The following PIBF1 variants were observed in gnomAD, a reference collection of about 807,000 sequenced individuals.
PIBF1 encodes progesterone-induced-blocking factor 1.
PIBF1 carries 90 observed loss-of-function variants against 112.5 expected under a neutral mutation model. That is an observed-to-expected ratio of 0.80 (90% CI 0.67 to 0.95). The LOEUF is 0.95. Among genes scored for constraint, PIBF1 ranks in the 40% least tolerant of loss-of-function variants. The pLI, the probability that PIBF1 is intolerant of heterozygous loss-of-function variation, is 0.00. For missense variants in PIBF1, 915 were observed against 852.3 expected (o/e 1.07, Z -0.92); for synonymous variants, 301 against 288.6 (o/e 1.04, Z -0.44).
chr13:72,991,256 T>C (rs950032276), intron 16 of PIBF1, among the ~76,000 whole-genome samples: 42 of 151,096 alleles, frequency 2.8e-4, no homozygotes, highest in African/African-American at 1.0e-3. Flanking sequence ...AGTTTATCTC[T>C]CTCATAGAGA....
Position 72,893,934 on chromosome 13 carries a change from T to C in PIBF1, c.1473T>C (p.Tyr491=), listed in dbSNP as rs1258523769. 10 of 1,594,542 alleles carry C rather than the reference T, an allele frequency of 6.3e-6. No individual in the cohort carries two copies. Among genetic ancestry groups the C allele is most frequent in the Non-Finnish European group, 8.5e-6 (10 of 1,171,608 alleles). ...AGTGTCAATTGGAATGTGAAAAATA[T>C]CAGAAAAAATTGGAGGTACATGTAC... ...LTQCQLECEK[Y]QKKLEVLTKE... Residue 491 remains tyrosine (Y), a synonymous_variant, in exon 11 of 18, where the codon TAT becomes TAC. Transcript: ENST00000326291.
intron 13 of PIBF1, among the ~76,000 whole-genome samples, chr13:72,924,307 TTTTC>T (rs1186350142): frequency 6.6e-6 from 1 of 152,202 alleles, no homozygotes; most frequent in Non-Finnish European, 1.5e-5. Flanking sequence ...ACTTTATTTT[TTTTC>T]TTTAATTGCC....
intron 15 of PIBF1, among the ~76,000 whole-genome samples, chr13:72,968,299 TTTTTC>T (rs796391802): frequency 1.3e-5 from 2 of 152,004 alleles, no homozygotes; most frequent in Non-Finnish European, 2.9e-5. Context: ...GTTGTTCTTT[TTTTTC>T]TTTTCTTTTC....
intron 10 of PIBF1, among the ~76,000 whole-genome samples, chr13:72,883,212 A>C (rs1389210078): frequency 6.6e-6 from 1 of 152,182 alleles, no homozygotes; most frequent in Non-Finnish European, 1.5e-5. Flanking sequence ...AGGTCATTAT[A>C]TTAAGTAAAA....
At chr13:72,915,463 A>G (rs958339762) in intron 12 of PIBF1, among the ~76,000 whole-genome samples, 1 of 152,164 alleles carries the variant, frequency 6.6e-6, no homozygotes, top group South Asian at 2.1e-4. Context: ...TTATCCCATG[A>G]TTTATTAATC....
intron 15 of PIBF1, among the ~76,000 whole-genome samples, chr13:72,968,163 G>T (rs1472152566): frequency 2.6e-5 from 4 of 151,804 alleles, no homozygotes; most frequent in Non-Finnish European, 4.4e-5. Flanking sequence ...CAACCTGGGC[G>T]ACAGAGCCAG....
chr13:72,920,991 G>T (rs900882442), intron 13 of PIBF1, among the ~76,000 whole-genome samples: 7 of 152,064 alleles, frequency 4.6e-5, no homozygotes, highest in African/African-American at 1.7e-4. Flanking sequence ...TATTAAATTT[G>T]ATTTAAAATC....
intron 5 of PIBF1, among the ~76,000 whole-genome samples, chr13:72,820,855 C>T (rs904207677): frequency 3.3e-5 from 5 of 152,134 alleles, no homozygotes; most frequent in African/African-American, 4.8e-5. Context: ...AATTTAGTCC[C>T]GTCTGCTTCC....
chr13:72,865,638 T>G (rs1250497271), intron 10 of PIBF1, among the ~76,000 whole-genome samples: 1 of 152,248 alleles, frequency 6.6e-6, no homozygotes, highest in Non-Finnish European at 1.5e-5. Context: ...AGCATTGCAT[T>G]CATTTTGCAA....
chr13:72,985,755 T>C (rs943357846), intron 16 of PIBF1, among the ~76,000 whole-genome samples: 4 of 152,140 alleles, frequency 2.6e-5, no homozygotes, highest in African/African-American at 9.7e-5. Flanking sequence ...AGTCATACTC[T>C]GAAAACCAGT....
intron 4 of PIBF1, 138 bp from the exon 5 acceptor site, chr13:72,797,769 G>A (rs1351620288): frequency 1.2e-5 from 7 of 603,276 alleles, no homozygotes; most frequent in African/African-American, 7.7e-5. Context: ...AGTATTAGTG[G>A]CTAGGGTCCA....
intron 12 of PIBF1, among the ~76,000 whole-genome samples, chr13:72,911,765 T>G (rs983290282): frequency 9.2e-5 from 14 of 151,980 alleles, no homozygotes; most frequent in Non-Finnish European, 2.1e-4. Context: ...GGAGAAAATA[T>G]TCACAAAACA....
At chr13:72,822,086 A>G in intron 6 of PIBF1, 104 bp downstream of exon 6, 1 of 1,025,564 alleles carries the variant, frequency 9.8e-7, no homozygotes, top group Non-Finnish European at 1.4e-6. Context: ...CTTTTACCTT[A>G]TTCTTCTTTG....
chr13:72,974,659 C>G lies in PIBF1; in HGVS notation c.2049+984C>G, dbSNP rs79547058. ...TTCCTTTTTATTGCTGAGTAATAAG[C>G]CATTATATGGATGTAACCCAGTTTG... is the stretch of plus-strand genomic sequence containing the variant. On this transcript the variant is annotated intron_variant, in intron 16 of 17. Transcript: ENST00000326291. 1.4e-3 allele frequency among the ~76,000 whole-genome samples: 216 copies of G among 152,190 alleles called. 4 individuals are homozygous for G. In the East Asian group the frequency reaches 0.037, roughly 26 times the overall value.
intron 9 of PIBF1, among the ~76,000 whole-genome samples, chr13:72,842,613 A>G (rs1048641530): frequency 6.6e-6 from 1 of 152,210 alleles, no homozygotes; most frequent in Non-Finnish European, 1.5e-5. Flanking sequence ...TATGTATTGT[A>G]TTACAATGGT....
intron 15 of PIBF1, among the ~76,000 whole-genome samples, chr13:72,966,939 A>G (rs1334971290): frequency 7.0e-6 from 1 of 143,714 alleles, no homozygotes; most frequent in Non-Finnish European, 1.5e-5. Context: ...TAAATTTTGA[A>G]TCTTTTTTTT....
intron 5 of PIBF1, among the ~76,000 whole-genome samples, chr13:72,804,042 C>CAT (rs1383139441): frequency 6.6e-6 from 1 of 152,080 alleles, no homozygotes; most frequent in Non-Finnish European, 1.5e-5. Context: ...CTGTGGGCTG[C>CAT]ATATATATAC....
chr13:72,876,291 A>G (rs974718889), intron 10 of PIBF1, among the ~76,000 whole-genome samples: 3 of 151,908 alleles, frequency 2.0e-5, no homozygotes, highest in African/African-American at 7.2e-5. Flanking sequence ...CCACTGATCT[A>G]TTTGTCCCTT....
intron 17 of PIBF1, 37 bp from the exon 18 acceptor site, chr13:73,015,832 G>A: frequency 1.5e-6 from 2 of 1,323,462 alleles, no homozygotes; most frequent in South Asian, 1.3e-5. Flanking sequence ...CTCCTTGTAA[G>A]CATTTTATTG....
Sources: gnomAD v4.1 joint callset for allele counts (sites outside exome capture counted in the v4.1 genomes callset) on GRCh38, gnomAD v4.1.1 for gene constraint, MANE v1.5 for transcripts, NCBI Gene and HGNC (gene_info 2026-07-23, HGNC 2026-07-21) for gene names.